The following SGO2 variants were observed in gnomAD, a reference collection of about 807,000 sequenced individuals.
SGO2 encodes the protein shugoshin 2, also known as shugoshin-like 2.
Under a neutral mutation model 99.5 loss-of-function variants are expected in SGO2, and 68 were observed. The observed-to-expected ratio is 0.68, with a 90% CI of 0.56 to 0.84. The LOEUF (loss-of-function observed/expected upper bound fraction) is 0.84, where lower values mean the gene tolerates loss of function less well. Among genes scored for constraint, SGO2 ranks in the 40% least tolerant of loss-of-function variants. The pLI, the probability that SGO2 is intolerant of heterozygous loss-of-function variation, is 0.00. For missense variants in SGO2, 1,350 were observed against 1,436.7 expected, an observed-to-expected ratio of 0.94 and a Z score of 0.97; for synonymous variants, 457 against 487.1, an observed-to-expected ratio of 0.94 and a Z score of 0.81.
In SGO2 at chr2:200,569,860, A is replaced by G; in HGVS notation, c.671A>G (p.His224Arg). Residue 224 changes from histidine (H) to arginine (R), a missense_variant, in exon 6 of 9, where the codon CAT becomes CGT. His to Arg is a conservative substitution (Grantham distance 29). Transcript: ENST00000357799. ...GTATATGGTTTAGATGATTCAGAACATATTTCTTCTATAGTTGATGTACCT... is the reference window on the plus strand; with the variant it reads ...GTATATGGTTTAGATGATTCAGAACGTATTTCTTCTATAGTTGATGTACCT... ...QNVYGLDDSEHISSIVDVPPR... is the reference protein window; with the variant it reads ...QNVYGLDDSERISSIVDVPPR... 1.3e-6 allele frequency: 2 copies of G among 1,597,342 alleles called. No individual in the cohort carries two copies. Among genetic ancestry groups the G allele is most frequent in the South Asian group, 2.2e-5 (2 of 90,412 alleles).
rs1251761533 is a variant in SGO2 at position 200,571,715 on chromosome 2, C to G, written c.1369C>G (p.Leu457Val). Residue 457 changes from leucine to valine, a missense_variant, in exon 7 of 9, where the codon CTG (leucine) becomes GTG (valine). Leu to Val is a conservative substitution (Grantham distance 32). Transcript: ENST00000357799. The part of the protein sequence containing the change: ...DPGFIFNNEQ[L>V]AQMNEQLAQV... ...CGGTTTTATTTTCAATAATGAACAG[C>G]TGGCTCAGATGAATGAACAGCTGGC... is the stretch of plus-strand genomic sequence containing the variant. 6.2e-7 allele frequency: 1 copy of G among 1,613,412 alleles called. No homozygotes were observed. The highest frequency in any genetic ancestry group is 8.5e-7 in the Non-Finnish European group (1 of 1,179,678).
At chr2:200,564,072 C>G (rs1331054554) in intron 5 of SGO2, among the ~76,000 whole-genome samples, 2 of 152,176 alleles carry the variant, frequency 1.3e-5, no homozygotes, top group Admixed American at 1.3e-4. Context: ...CAGTTCTGCT[C>G]TGATCTTAGT....
At chr2:200,533,550 T>TAC (rs1553556350) in intron 2 of SGO2, among the ~76,000 whole-genome samples, 1 of 150,698 alleles carries the variant, frequency 6.6e-6, no homozygotes, top group African/African-American at 2.5e-5. Flanking sequence ...TGTGTGTGTA[T>TAC]ACATGTGACT....
intron 1 of SGO2, among the ~76,000 whole-genome samples, chr2:200,532,126 C>T (rs1017600576): frequency 3.9e-5 from 6 of 151,968 alleles, no homozygotes; most frequent in African/African-American, 1.5e-4. Flanking sequence ...GAACGTGACC[C>T]AGGAGTTGAG....
chr2:200,546,039 T>C (rs2032193842), intron 5 of SGO2, among the ~76,000 whole-genome samples: 1 of 152,078 alleles, frequency 6.6e-6, no homozygotes. Flanking sequence ...CCTTCCCACA[T>C]TGCTGTCCTA....
At chr2:200,557,143 G>A (rs1020958290) in intron 5 of SGO2, among the ~76,000 whole-genome samples, 7 of 152,140 alleles carry the variant, frequency 4.6e-5, no homozygotes, top group Non-Finnish European at 8.8e-5. Flanking sequence ...GAGAAGAGTG[G>A]TTAATGTCCC....
chr2:200,533,331 G>A, intron 2 of SGO2: 1 of 358,972 alleles, frequency 2.8e-6, no homozygotes, highest in Non-Finnish European at 4.9e-6. Flanking sequence ...TCAGCAGTGA[G>A]GCTGCAGTGA....
rs755769253 is a variant in SGO2 at position 200,573,982 on chromosome 2, G to T, written c.3631+5G>T. On this transcript the variant is annotated splice_donor_5th_base_variant and intron_variant, in intron 7 of 8. Coordinates refer to ENST00000357799, the MANE Select transcript of SGO2 (RefSeq NM_152524.6). ...GAACCCAAAAATCAGGAATAGGTAG[G>T]TTAATAACCATTATGAAATGATAAA... The T allele has an allele frequency of 2.6e-6, 4 of 1,539,764 alleles. No individual in the cohort carries two copies. The Admixed American group carries it at 6.5e-5, about 25-fold the overall frequency.
intron 2 of SGO2, among the ~76,000 whole-genome samples, chr2:200,533,862 A>G (rs1475438971): frequency 6.6e-6 from 1 of 152,108 alleles, no homozygotes; most frequent in Non-Finnish European, 1.5e-5. Context: ...CTAGGTCTCT[A>G]GGGCCACTCC....
At chr2:200,546,990 G>A (rs1188811254) in intron 5 of SGO2, among the ~76,000 whole-genome samples, 1 of 152,170 alleles carries the variant, frequency 6.6e-6, no homozygotes, top group Non-Finnish European at 1.5e-5. Context: ...TTCAAGACAT[G>A]AGAAAGATAT....
Position 200,570,219 on chromosome 2 carries a change from A to G in SGO2, c.703+327A>G. ...AGTTTTACCCTCTTTTTTTGTAGAT[A>G]TGAAAATTGGGGGCCTAGATAGGTA... On this transcript the variant is annotated intron_variant, in intron 6 of 8. Coordinates refer to ENST00000357799, the MANE Select transcript of SGO2 (RefSeq NM_152524.6). This position sits in a 1 kb window ranked among gnomAD's most constrained non-coding sequence, Gnocchi z 4.4. 1 of 289,642 alleles carries G rather than the reference A, an allele frequency of 3.5e-6. No individual in the cohort carries two copies. Among genetic ancestry groups the G allele is most frequent in the Non-Finnish European group, 6.3e-6 (1 of 158,500 alleles). The allele number at this position is 289,642 out of a possible 1,614,324, so 17.9% of individuals were successfully genotyped here.
Position 200,572,047 on chromosome 2 carries a change from ATT to A in SGO2, c.1703_1704del (p.Phe568SerfsTer10). On this transcript the variant is annotated frameshift_variant, in exon 7 of 9. Transcript: ENST00000357799. LOFTEE classifies it high-confidence loss of function. ...IYENLDVTNE[F>X]HTANLSTKDN... Reference sequence around the variant, plus strand: ...ATGAAAACCTAGACGTCACAAATGAATTTCACACAGCCAATCTTTCCACCAAA... The same window carrying A: ...ATGAAAACCTAGACGTCACAAATGAATCACACAGCCAATCTTTCCACCAAA... 6.2e-7 allele frequency: 1 copy of A among 1,613,490 alleles called. No individual in the cohort carries two copies. The highest frequency in any genetic ancestry group is 2.2e-5 in the East Asian group (1 of 44,848).
chr2:200,566,510 CAG>C (rs1439910616), intron 5 of SGO2, among the ~76,000 whole-genome samples: 2 of 152,340 alleles, frequency 1.3e-5, no homozygotes, highest in Admixed American at 6.5e-5. Context: ...TTAGGCTACT[CAG>C]GGGTCAGGGA....
chr2:200,537,784 A>G (rs1176024098), intron 4 of SGO2, among the ~76,000 whole-genome samples: 2 of 152,130 alleles, frequency 1.3e-5, no homozygotes, highest in Non-Finnish European at 2.9e-5. Flanking sequence ...CCTCCAGACA[A>G]TTTATATCTA....
intron 5 of SGO2, among the ~76,000 whole-genome samples, chr2:200,548,506 A>G (rs2032335232): frequency 6.6e-6 from 1 of 152,182 alleles, no homozygotes; most frequent in African/African-American, 2.4e-5. Context: ...TGCGTATATC[A>G]AAAAAGGAGA....
intron 8 of SGO2, among the ~76,000 whole-genome samples, chr2:200,576,457 T>C (rs1025291379): frequency 3.3e-5 from 5 of 151,998 alleles, no homozygotes; most frequent in African/African-American, 1.2e-4. Flanking sequence ...GCGCCTGTAG[T>C]CCCAGCTGCT....
chr2:200,571,055 C>T lies in SGO2; in HGVS notation c.709C>T (p.His237Tyr). Residue 237 changes from histidine to tyrosine, a missense_variant, in exon 7 of 9, where the codon CAT becomes TAT. Physicochemically the swap from His to Tyr is moderately conservative, Grantham distance 83. Transcript: ENST00000357799. ...TGTTTTCCTTTTCTTAATAGAAAGC[C>T]ATTCCCACTCAGACCAAAGTTCTAA... ...SIVDVPPRES[H>Y]SHSDQSSKTS... 1.3e-6 allele frequency: 2 copies of T among 1,543,352 alleles called. No homozygotes were observed. The highest frequency in any genetic ancestry group is 2.5e-5 in the South Asian group (2 of 79,928).
In SGO2 at chr2:200,533,103, TACTA is replaced by T; in HGVS notation, c.130_133del (p.Leu44IlefsTer10). 6.3e-7 allele frequency: 1 copy of T among 1,579,534 alleles called. No individual in the cohort carries two copies. Among genetic ancestry groups the T allele is most frequent in the East Asian group, 2.3e-5 (1 of 44,224 alleles). On this transcript the variant is annotated frameshift_variant and splice_region_variant, in exon 2 of 9. Transcript: ENST00000357799. LOFTEE classifies it high-confidence loss of function. ...CTTGCTTCAAAAATAAAAACAAAAA[TACTA>T]AGTAAGTGCCATCAGTTTTAAAATA...
At chr2:200,569,524 A>T in intron 5 of SGO2, 139 bp from the exon 6 acceptor site, 1 of 634,046 alleles carries the variant, frequency 1.6e-6, no homozygotes, top group Non-Finnish European at 2.7e-6. Context: ...TCCTACCTTT[A>T]AGTGTCTTCA....
Sources: allele counts gnomAD v4.1 joint callset (sites outside exome capture counted in the v4.1 genomes callset), GRCh38; gene constraint gnomAD v4.1.1; non-coding constraint Gnocchi (gnomAD v3.1); transcripts MANE v1.5; gene names NCBI Gene and HGNC (gene_info 2026-07-23, HGNC 2026-07-21).